The following FTO variants were observed in gnomAD, a reference collection of about 807,000 sequenced individuals.
FTO encodes the protein FTO alpha-ketoglutarate dependent dioxygenase, also known as alpha-ketoglutarate-dependent dioxygenase FTO.
A neutral mutation model predicts 63.9 loss-of-function variants in FTO; 47 were observed. The observed-to-expected ratio is 0.74, with a 90% CI of 0.58 to 0.94. The LOEUF (loss-of-function observed/expected upper bound fraction) is 0.94. Ranked by LOEUF, FTO falls within the 40% of genes least tolerant of loss-of-function variation. The pLI is 0.00. For missense variants in FTO, 562 were observed against 618.1 expected (o/e 0.91, Z 0.96); for synonymous variants, 207 against 224.4 (o/e 0.92, Z 0.69).
At chr16:53,787,778 A>G (rs7202296) in intron 1 of FTO, among the ~76,000 whole-genome samples, 62,027 of 151,992 alleles carry the variant, frequency 0.41, 13,089 homozygotes, top group African/African-American at 0.48. Context: ...AAATCAAGCC[A>G]ATAAATATAT....
intron 8 of FTO, among the ~76,000 whole-genome samples, chr16:53,946,080 G>C (rs58902771): frequency 0.019 from 2,875 of 152,224 alleles, 97 homozygotes; most frequent in African/African-American, 0.062. Context: ...GGAGGAGGAT[G>C]GGGGAAGGGG....
chr16:54,013,144 T>C (rs553312325), intron 8 of FTO, among the ~76,000 whole-genome samples: 2 of 152,190 alleles, frequency 1.3e-5, no homozygotes, highest in Non-Finnish European at 2.9e-5. Flanking sequence ...AGTCAAAATA[T>C]CAGCATTAAC....
At chr16:53,768,716 T>C (rs1454891129) in intron 1 of FTO, among the ~76,000 whole-genome samples, 2 of 152,154 alleles carry the variant, frequency 1.3e-5, no homozygotes, top group Non-Finnish European at 2.9e-5. Context: ...TCTAGATTTG[T>C]GGCCTGCTTG....
chr16:54,101,256 A>C (rs780964246), intron 8 of FTO, among the ~76,000 whole-genome samples: 1 of 151,994 alleles, frequency 6.6e-6, no homozygotes, highest in Non-Finnish European at 1.5e-5. Context: ...CCCAATAGCT[A>C]TCTTTTCTGC....
At chr16:53,809,948 A>G (rs1170216343) in intron 1 of FTO, among the ~76,000 whole-genome samples, 192 bp from the exon 2 acceptor site, 1 of 152,090 alleles carries the variant, frequency 6.6e-6, no homozygotes, top group Non-Finnish European at 1.5e-5. Flanking sequence ...CTCTAAAAGA[A>G]AAGAAAAAAA....
intron 1 of FTO, among the ~76,000 whole-genome samples, chr16:53,749,020 C>T (rs533856392): frequency 2.0e-5 from 3 of 152,322 alleles, no homozygotes; most frequent in Admixed American, 6.5e-5. Context: ...CCCGCCTCGG[C>T]TTCCCAAAGT....
intron 8 of FTO, among the ~76,000 whole-genome samples, chr16:54,016,831 C>T (rs2084460637): frequency 6.6e-6 from 1 of 152,138 alleles, no homozygotes; most frequent in Admixed American, 6.6e-5. Flanking sequence ...AGACACCTGG[C>T]TTTTGTACAC....
intron 7 of FTO, among the ~76,000 whole-genome samples, chr16:53,912,913 G>A (rs1197935739): frequency 6.6e-6 from 1 of 152,214 alleles, no homozygotes; most frequent in Admixed American, 6.5e-5. Flanking sequence ...CAAGAAAGAA[G>A]TGTTAGTGGA....
intron 3 of FTO, among the ~76,000 whole-genome samples, chr16:53,838,944 G>T (rs1245627632): frequency 6.6e-6 from 1 of 152,084 alleles, no homozygotes; most frequent in Non-Finnish European, 1.5e-5. Flanking sequence ...TATTAAATAT[G>T]GTACAAAATT....
intron 8 of FTO, among the ~76,000 whole-genome samples, chr16:54,059,990 A>G (rs1404098094): frequency 6.6e-6 from 1 of 152,092 alleles, no homozygotes; most frequent in African/African-American, 2.4e-5. Flanking sequence ...TTGCATTTTG[A>G]CATTCTGTGT....
chr16:53,723,204 C>G (rs988925658), intron 1 of FTO, among the ~76,000 whole-genome samples: 2 of 152,196 alleles, frequency 1.3e-5, no homozygotes, highest in Non-Finnish European at 2.9e-5. Context: ...AGGTATTGAT[C>G]TGCTGTATTT....
intron 1 of FTO, among the ~76,000 whole-genome samples, chr16:53,719,598 C>G (rs1362881492): frequency 1.4e-5 from 2 of 140,050 alleles, no homozygotes; most frequent in Non-Finnish European, 3.1e-5. Context: ...TTCTTGTCTT[C>G]TCTTTAAAAA....
chr16:54,014,854 T>C lies in FTO; in HGVS notation c.1364+80745T>C, dbSNP rs1412566131. Among the ~76,000 whole-genome samples the C allele has an allele frequency of 8.2e-4, 31 of 37,832 alleles. No homozygotes were observed. The African/African-American group carries it at 0.011, about 13-fold the overall frequency. 24.8% of individuals were successfully genotyped at this position (37,832 alleles called of 152,430 possible). A position where few individuals can be genotyped will look rare whatever the true frequency, so the allele number is the denominator to read the frequency against. ...TCCTACTTTCTCTCTCTCTCTCTTT[T>C]TTTTTTTTTTTTTTTTTTTGAGATG... On this transcript the variant is annotated intron_variant, in intron 8 of 8. Transcript: ENST00000471389.
intron 8 of FTO, among the ~76,000 whole-genome samples, chr16:54,092,114 A>G (rs1345454714): frequency 1.3e-5 from 2 of 152,188 alleles, no homozygotes; most frequent in Admixed American, 6.5e-5. Flanking sequence ...CTGTCTCTAC[A>G]AAAAGTAATA....
At chr16:54,065,016 C>T (rs929723317) in intron 8 of FTO, among the ~76,000 whole-genome samples, 37 of 152,276 alleles carry the variant, frequency 2.4e-4, no homozygotes, top group Middle Eastern at 6.8e-3. Context: ...GGCCCCCACC[C>T]GCCTGACTCT....
intron 1 of FTO, among the ~76,000 whole-genome samples, chr16:53,746,773 T>C (rs2076660589): frequency 6.6e-6 from 1 of 152,196 alleles, no homozygotes; most frequent in Non-Finnish European, 1.5e-5. Flanking sequence ...CACACTGCAG[T>C]ATATCTAAAG....
intron 8 of FTO, among the ~76,000 whole-genome samples, chr16:54,014,924 C>T (rs1190693282): frequency 6.8e-6 from 1 of 147,322 alleles, no homozygotes; most frequent in Non-Finnish European, 1.5e-5. Context: ...AGTGCAATCA[C>T]AGCTCGCTTC....
intron 8 of FTO, among the ~76,000 whole-genome samples, chr16:54,000,407 C>T (rs1450615548): frequency 6.6e-6 from 1 of 152,122 alleles, no homozygotes. Context: ...AAGTCAGATT[C>T]TGGATTCTGG....
intron 8 of FTO, among the ~76,000 whole-genome samples, chr16:53,990,655 T>TATTTTATTTTATTTTATTTTATTTTA (rs2083786544): frequency 4.8e-5 from 7 of 144,644 alleles, no homozygotes; most frequent in African/African-American, 1.9e-4. Context: ...TTTCCTTTTC[T>TATTTTATTTTATTTTATTTTATTTTA]TTTTATTTTA....
Sources: allele counts gnomAD v4.1 joint callset (sites outside exome capture counted in the v4.1 genomes callset), GRCh38; gene constraint gnomAD v4.1.1; transcripts MANE v1.5; gene names NCBI Gene and HGNC (gene_info 2026-07-23, HGNC 2026-07-21).